Variants in UIMC1 observed in about 807,000 individuals in gnomAD.
UIMC1 encodes BRCA1-A complex subunit RAP80.
In UIMC1, 42 loss-of-function variants were observed where a neutral mutation model predicts 84.9. The observed-to-expected ratio is 0.49, with a 90% CI of 0.39 to 0.64. The LOEUF is 0.64. Ranked by LOEUF, UIMC1 falls within the 30% of genes least tolerant of loss-of-function variation. The pLI, the probability that UIMC1 is intolerant of heterozygous loss-of-function variation, is 0.00. For synonymous variants in UIMC1, 281 were observed against 293.0 expected, an observed-to-expected ratio of 0.96 and a Z score of 0.42; for missense variants, 825 against 847.6, an observed-to-expected ratio of 0.97 and a Z score of 0.33.
chr5:176,949,921 G>A lies in UIMC1; in HGVS notation c.1443+1553C>T, dbSNP rs940291855. ...ATACAAAAATTAGCTGGGCATGGTG[G>A]CGGGCACCTGTAATCCTAGTTACTT... is the stretch of plus-strand genomic sequence containing the variant. On this transcript the variant is annotated intron_variant, in intron 9 of 14. Transcript: ENST00000511320. 2.0e-5 allele frequency among the ~76,000 whole-genome samples: 3 copies of A among 151,818 alleles called. No homozygotes were observed. The East Asian group carries it at 5.9e-4, about 30-fold the overall frequency.
At chr5:176,926,681 TA>T (rs1737056598) in intron 10 of UIMC1, among the ~76,000 whole-genome samples, 1 of 152,022 alleles carries the variant, frequency 6.6e-6, no homozygotes, top group South Asian at 2.1e-4. Flanking sequence ...CTAATTAAAG[TA>T]TTTAGAGGTA....
At chr5:176,933,856 G>GA (rs201096137) in intron 10 of UIMC1, among the ~76,000 whole-genome samples, 20 of 150,154 alleles carry the variant, frequency 1.3e-4, no homozygotes, top group African/African-American at 2.7e-4. Flanking sequence ...ATCTTTAATA[G>GA]AAAAAAAAAT....
At chr5:176,996,494 G>A (rs1446951170) in intron 1 of UIMC1, among the ~76,000 whole-genome samples, 1 of 152,130 alleles carries the variant, frequency 6.6e-6, no homozygotes, top group Non-Finnish European at 1.5e-5. Flanking sequence ...CTCTTCTCAA[G>A]AAAACTATAA....
intron 1 of UIMC1, among the ~76,000 whole-genome samples, chr5:177,016,958 G>A (rs954567248): frequency 2.6e-5 from 4 of 152,198 alleles, no homozygotes; most frequent in Non-Finnish European, 5.9e-5. Flanking sequence ...AGGAGGCAGA[G>A]GTTGCAGTGA....
chr5:176,923,874 A>AAT (rs1554109430), intron 10 of UIMC1, among the ~76,000 whole-genome samples: 40 of 146,356 alleles, frequency 2.7e-4, no homozygotes, highest in African/African-American at 4.1e-4. Flanking sequence ...AAAAAAAAAA[A>AAT]ATATATATAT....
At chr5:176,954,896 T>C (rs894563956) in intron 8 of UIMC1, among the ~76,000 whole-genome samples, 15 of 152,090 alleles carry the variant, frequency 9.9e-5, no homozygotes, top group Non-Finnish European at 5.9e-5. Context: ...GGAAAAACAT[T>C]GAAGGAAACC....
rs75332147 is a variant in UIMC1 at position 176,913,268 on chromosome 5, G to A, written c.1598-1879C>T. On this transcript the variant is annotated intron_variant, in intron 10 of 14. Transcript: ENST00000511320. ...TGCCTAGGTTAGCTCTAATCCTTATGATGACCCTCCAGATTGGTATTATTA... is the reference window on the plus strand; with the variant it reads ...TGCCTAGGTTAGCTCTAATCCTTATAATGACCCTCCAGATTGGTATTATTA... Among the ~76,000 whole-genome samples, 1,388 of 152,264 alleles carry A rather than the reference G, an allele frequency of 9.1e-3. 8 individuals carry two copies. Among genetic ancestry groups the A allele is most frequent in the South Asian group, 0.025 (120 of 4,824 alleles).
chr5:176,997,737 G>C (rs186031789), intron 1 of UIMC1, among the ~76,000 whole-genome samples: 1 of 147,798 alleles, frequency 6.8e-6, no homozygotes, highest in East Asian at 2.0e-4. Context: ...TATTTTTATA[G>C]TTAGGACATT....
At chr5:176,984,232 GA>G (rs1771573330) in intron 1 of UIMC1, among the ~76,000 whole-genome samples, 3 of 136,224 alleles carry the variant, frequency 2.2e-5, no homozygotes, top group Admixed American at 7.3e-5. Flanking sequence ...GCCCCATCTG[GA>G]AAGTGAGGAG....
intron 1 of UIMC1, among the ~76,000 whole-genome samples, chr5:177,014,057 C>CTTTTTTTTTTTTTT (rs34686520): frequency 8.2e-6 from 1 of 122,112 alleles, no homozygotes; most frequent in Non-Finnish European, 1.8e-5. Flanking sequence ...TTTTTCTTTT[C>CTTTTTTTTTTTTTT]TTTTTTTTTT....
At chr5:176,927,028 C>A (rs142797387) in intron 10 of UIMC1, among the ~76,000 whole-genome samples, 2 of 152,044 alleles carry the variant, frequency 1.3e-5, no homozygotes, top group Non-Finnish European at 2.9e-5. Flanking sequence ...CGCATACTGA[C>A]TTGCAGAAAA....
intron 11 of UIMC1, among the ~76,000 whole-genome samples, chr5:176,909,161 A>C (rs1208767866): frequency 6.6e-6 from 1 of 152,254 alleles, no homozygotes; most frequent in Non-Finnish European, 1.5e-5. Context: ...CTATATGCTG[A>C]CTTCCTTAAT....
At chr5:176,990,635 C>T (rs758721989) in intron 1 of UIMC1, among the ~76,000 whole-genome samples, 4 of 152,132 alleles carry the variant, frequency 2.6e-5, no homozygotes, top group Non-Finnish European at 4.4e-5. Context: ...CAACTTTGTA[C>T]AAATGTTGCC....
chr5:176,971,114 A>G (rs1259095416), intron 3 of UIMC1, among the ~76,000 whole-genome samples: 1 of 152,186 alleles, frequency 6.6e-6, no homozygotes. Context: ...TTTTACCTAC[A>G]CTGTTCACTG....
intron 8 of UIMC1, among the ~76,000 whole-genome samples, chr5:176,955,125 T>C (rs1472601714): frequency 6.6e-6 from 1 of 152,240 alleles, no homozygotes; most frequent in African/African-American, 2.4e-5. Context: ...TAGTGGTTCA[T>C]ATCACAAAAT....
At position 176,975,408 on chromosome 5, in the gene UIMC1, T is replaced by C. The variant is rs1561861115; in HGVS notation, c.220A>G (p.Arg74Gly). 6.2e-7 allele frequency: 1 copy of C among 1,613,866 alleles called. No homozygotes were observed. The highest frequency in any genetic ancestry group is 2.2e-5 in the East Asian group (1 of 44,844). ...AATGAAAACATACGTGCGATTTTTCTTTTGGCCAAACACTTTGCTCTATTC... is the reference window on the plus strand; with the variant it reads ...AATGAAAACATACGTGCGATTTTTCCTTTGGCCAAACACTTTGCTCTATTC... ...QSNRAKCLAK[R>G]KIAQMTEEEQ... Residue 74 changes from arginine (R) to glycine (G), a missense_variant, in exon 3 of 15, where the codon AGA becomes GGA. Transcript: ENST00000511320.
chr5:176,982,853 C>T (rs1319793327), intron 1 of UIMC1, among the ~76,000 whole-genome samples: 2 of 152,180 alleles, frequency 1.3e-5, no homozygotes, highest in African/African-American at 4.8e-5. Context: ...GCACACGCCA[C>T]CACACTGGCT....
chr5:176,965,715 T>C lies in UIMC1; in HGVS notation c.1200+2840A>G, dbSNP rs56892418. On this transcript the variant is annotated intron_variant, in intron 6 of 14. Transcript: ENST00000511320. Reference sequence around the variant, plus strand: ...CCTGTAGTATTTGGTGGTCTGGTCATGAAGTTAAGAGTCAAAGAACTTCAA... The same window carrying C: ...CCTGTAGTATTTGGTGGTCTGGTCACGAAGTTAAGAGTCAAAGAACTTCAA... 9.3e-3 allele frequency among the ~76,000 whole-genome samples: 1,416 copies of C among 152,360 alleles called. 23 individuals are homozygous for C. Among genetic ancestry groups the C allele is most frequent in the African/African-American group, 0.032 (1,326 of 41,586 alleles).
At chr5:176,946,524 A>G (rs999601887) in intron 9 of UIMC1, among the ~76,000 whole-genome samples, 2 of 151,752 alleles carry the variant, frequency 1.3e-5, no homozygotes, top group African/African-American at 2.4e-5. Flanking sequence ...AAAAAAAAGG[A>G]AAGAAAGAAA....
Sources: allele counts gnomAD v4.1 joint callset (sites outside exome capture counted in the v4.1 genomes callset), GRCh38; gene constraint gnomAD v4.1.1; transcripts MANE v1.5; gene names NCBI Gene and HGNC (gene_info 2026-07-23, HGNC 2026-07-21).